PEAK1: variants seen among roughly 807,000 people sequenced by gnomAD.
PEAK1 encodes the protein inactive tyrosine-protein kinase PEAK1.
PEAK1 carries 54 observed loss-of-function variants against 124.7 expected under a neutral mutation model. The ratio of observed to expected loss-of-function variants is 0.43; its 90% CI spans 0.35 to 0.54. The LOEUF (loss-of-function observed/expected upper bound fraction) is 0.54. Ranked by LOEUF, PEAK1 falls within the 20% of genes least tolerant of loss-of-function variation. The pLI is 0.01. For synonymous variants in PEAK1, 719 were observed against 760.0 expected, an observed-to-expected ratio of 0.95 and a Z score of 0.89; for missense variants, 2,046 against 2,134.5, an observed-to-expected ratio of 0.96 and a Z score of 0.82.
At chr15:77,161,022 T>A (rs1255893200) in intron 7 of PEAK1, among the ~76,000 whole-genome samples, 2 of 152,222 alleles carry the variant, frequency 1.3e-5, no homozygotes, top group Non-Finnish European at 2.9e-5. Context: ...CTGGGCCCGC[T>A]GCACATGTGT....
chr15:77,291,099 A>G (rs973060634), intron 2 of PEAK1, among the ~76,000 whole-genome samples: 4 of 152,256 alleles, frequency 2.6e-5, no homozygotes, highest in Non-Finnish European at 5.9e-5. Flanking sequence ...GGGTTGTATG[A>G]TGGCTTGTCC....
At position 77,262,248 on chromosome 15, in the gene PEAK1, C is replaced by T. The variant is rs1388591030; in HGVS notation, c.-274-9722G>A. ...AACATCATAATGACAGGATCAAATT[C>T]ACACATAACAATATTAACTTTAAAT... On this transcript the variant is annotated intron_variant, in intron 5 of 9. Coordinates refer to ENST00000682557, the MANE Select transcript of PEAK1 (RefSeq NM_001385026.1). 2.6e-5 allele frequency among the ~76,000 whole-genome samples: 4 copies of T among 152,190 alleles called. No individual in the cohort carries two copies. The South Asian group carries it at 8.3e-4, about 32-fold the overall frequency.
intron 9 of PEAK1, among the ~76,000 whole-genome samples, chr15:77,127,540 T>C (rs1415100484): frequency 2.0e-5 from 3 of 152,130 alleles, no homozygotes; most frequent in Non-Finnish European, 2.9e-5. Flanking sequence ...GGAACATTAT[T>C]GGAAACTGGA....
At chr15:77,370,071 T>G (rs2068535992) in intron 1 of PEAK1, among the ~76,000 whole-genome samples, 1 of 151,894 alleles carries the variant, frequency 6.6e-6, no homozygotes, top group African/African-American at 2.4e-5. Flanking sequence ...TTTCCTATTC[T>G]CCCCACTTCA....
At chr15:77,346,771 T>A (rs1156345591) in intron 2 of PEAK1, 1 of 974,628 alleles carries the variant, frequency 1.0e-6, no homozygotes, top group Admixed American at 6.2e-5. Flanking sequence ...CATTCATTGG[T>A]CACTCAGTAA....
In PEAK1 at chr15:77,133,948, C is replaced by T. The variant is rs930885566; in HGVS notation, c.3332-198G>A. 4.6e-5 allele frequency among the ~76,000 whole-genome samples: 7 copies of T among 152,118 alleles called. No individual in the cohort carries two copies. In the East Asian group the frequency reaches 5.8e-4, roughly 13 times the overall value. ...TGAAGTATCCAAGCCTTGGTGGGAA[C>T]GACAAATATGCATAATGTCTTGGCC... On this transcript the variant is annotated intron_variant, in intron 8 of 9. Coordinates refer to ENST00000682557, the MANE Select transcript of PEAK1 (RefSeq NM_001385026.1). This position sits in a 1 kb window ranked among gnomAD's most constrained non-coding sequence, Gnocchi z 4.2.
At chr15:77,116,268 T>C (rs1035369239) in intron 9 of PEAK1, among the ~76,000 whole-genome samples, 1 of 152,166 alleles carries the variant, frequency 6.6e-6, no homozygotes, top group African/African-American at 2.4e-5. Flanking sequence ...TCATGGATCA[T>C]AATAGTCTGG....
chr15:77,193,514 A>T (rs1000660888), intron 6 of PEAK1, among the ~76,000 whole-genome samples: 3 of 152,160 alleles, frequency 2.0e-5, no homozygotes, highest in Admixed American at 6.6e-5. Flanking sequence ...CCGCTCTTTT[A>T]AAAAAGGTAC....
At chr15:77,104,767 CCTTA>C (rs2050730035), downstream of PEAK1, 1 of 152,158 alleles carries the variant, frequency 6.6e-6, no homozygotes, top group Admixed American at 6.5e-5. Flanking sequence ...ATCGTAGTTC[CCTTA>C]CTAAGGATCT....
intron 9 of PEAK1, among the ~76,000 whole-genome samples, chr15:77,125,035 T>C (rs148144242): frequency 5.3e-5 from 8 of 152,356 alleles, no homozygotes; most frequent in Non-Finnish European, 1.0e-4. Flanking sequence ...TACTGGAATA[T>C]AAGCTTCTTG....
intron 1 of PEAK1, among the ~76,000 whole-genome samples, chr15:77,378,779 G>A (rs1053907665): frequency 2.0e-5 from 3 of 152,230 alleles, no homozygotes; most frequent in East Asian, 1.9e-4. Context: ...TCCTGAAGAC[G>A]AAATCTGAGT....
At chr15:77,330,709 A>G (rs1241126795) in intron 2 of PEAK1, among the ~76,000 whole-genome samples, 1 of 152,154 alleles carries the variant, frequency 6.6e-6, no homozygotes, top group African/African-American at 2.4e-5. Context: ...AATATTTTTC[A>G]GACACTTCCC....
intron 1 of PEAK1, chr15:77,417,285 A>C (rs2072954922): frequency 1.1e-6 from 1 of 913,656 alleles, no homozygotes; most frequent in Admixed American, 6.2e-5. Context: ...CCTGGCACTT[A>C]AAAGGTACTC....
Position 77,181,037 on chromosome 15 carries a change from C to T in PEAK1, c.890G>A (p.Arg297Gln), listed in dbSNP as rs759331417. 3.7e-6 allele frequency: 6 copies of T among 1,614,040 alleles called. No individual in the cohort carries two copies. The highest frequency in any genetic ancestry group is 4.5e-5 in the East Asian group (2 of 44,892). ...ACAGATTCTCTGCAGAGACTTGTTT[C>T]GCAGGGGGATGGTATTCCATTTTTT... ...VDKKWNTIPL[R>Q]NKSLQRICAV... is the part of the protein sequence containing the mutation. The change falls in exon 7 of 10, where the codon CGA (arginine) becomes CAA (glutamine). Residue 297 changes from arginine to glutamine, a missense_variant. Coordinates refer to ENST00000682557, the MANE Select transcript of PEAK1 (RefSeq NM_001385026.1).
intron 1 of PEAK1, among the ~76,000 whole-genome samples, chr15:77,400,174 T>A (rs2071242968): frequency 6.6e-6 from 1 of 152,108 alleles, no homozygotes; most frequent in South Asian, 2.1e-4. Flanking sequence ...GGCAAGAATG[T>A]GGAGAAAAGG....
chr15:77,162,713 A>G lies in PEAK1; in HGVS notation c.3138-4017T>C, dbSNP rs566470664. Reference sequence around the variant, plus strand: ...TGGGTACTGTTTCTCTATTGCTTTGATTTTCTGAATGCTTTGATTTTCTGA... The same window carrying G: ...TGGGTACTGTTTCTCTATTGCTTTGGTTTTCTGAATGCTTTGATTTTCTGA... On this transcript the variant is annotated intron_variant, in intron 7 of 9. Transcript: ENST00000682557. Among the ~76,000 whole-genome samples, 11 of 152,208 alleles carry G rather than the reference A, an allele frequency of 7.2e-5. No individual in the cohort carries two copies. In the South Asian group the frequency reaches 2.3e-3, roughly 32 times the overall value.
Position 77,181,429 on chromosome 15 carries a change from T to A in PEAK1, c.498A>T (p.Arg166Ser). The A allele has an allele frequency of 1.2e-6, 2 of 1,614,206 alleles. No individual in the cohort carries two copies. The highest frequency in any genetic ancestry group is 1.7e-6 in the Non-Finnish European group (2 of 1,180,028). The change falls in exon 7 of 10, where the codon AGA becomes AGT. Residue 166 changes from arginine (R) to serine (S), a missense_variant. Coordinates refer to ENST00000682557, the MANE Select transcript of PEAK1 (RefSeq NM_001385026.1). ...IAGLDTAPQI[R>S]GNETNSRETF... Reference sequence around the variant, plus strand: ...TTTCTCTGGAGTTTGTTTCATTTCCTCTTATCTGAGGGGCAGTATCCAAGC... The same window carrying A: ...TTTCTCTGGAGTTTGTTTCATTTCCACTTATCTGAGGGGCAGTATCCAAGC...
chr15:77,286,545 G>T (rs1414138535), intron 2 of PEAK1, 41 bp from the exon 3 acceptor site: 3 of 1,010,696 alleles, frequency 3.0e-6, no homozygotes, highest in Non-Finnish European at 3.8e-6. Flanking sequence ...ATTAATAAAG[G>T]GCATTTGAAT....
chr15:77,139,131 G>C (rs890489113), intron 8 of PEAK1, among the ~76,000 whole-genome samples: 1 of 152,102 alleles, frequency 6.6e-6, no homozygotes. Context: ...TGTGAAGACA[G>C]GGACAATGAT....
Sources: allele counts gnomAD v4.1 joint callset (sites outside exome capture counted in the v4.1 genomes callset), GRCh38; gene constraint gnomAD v4.1.1; non-coding constraint Gnocchi (gnomAD v3.1); transcripts MANE v1.5; gene names NCBI Gene and HGNC (gene_info 2026-07-23, HGNC 2026-07-21).